GPC5: variants seen among roughly 807,000 people sequenced by gnomAD.
GPC5 encodes glypican-5.
GPC5 carries 47 observed loss-of-function variants against 53.9 expected under a neutral mutation model. The ratio of observed to expected loss-of-function variants is 0.87; its 90% CI spans 0.69 to 1.11. The LOEUF (loss-of-function observed/expected upper bound fraction) is 1.11, where lower values mean the gene tolerates loss of function less well. GPC5 is among the 50% of genes most tolerant of loss of function. The pLI, the probability that GPC5 is intolerant of heterozygous loss-of-function variation, is 0.00. For missense variants in GPC5, 748 were observed against 713.1 expected (o/e 1.05, Z -0.56); for synonymous variants, 286 against 263.3 (o/e 1.09, Z -0.84).
At chr13:92,467,388 T>C (rs1307281402) in intron 7 of GPC5, among the ~76,000 whole-genome samples, 1 of 152,134 alleles carries the variant, frequency 6.6e-6, no homozygotes, top group East Asian at 1.9e-4. Flanking sequence ...TATAAGTTTA[T>C]GCTTATAGAT....
intron 7 of GPC5, among the ~76,000 whole-genome samples, chr13:92,617,515 G>A (rs1884732885): frequency 6.6e-6 from 1 of 151,968 alleles, no homozygotes; most frequent in Admixed American, 6.6e-5. Flanking sequence ...GAAGCTCCTA[G>A]TTCCATCTGT....
intron 7 of GPC5, among the ~76,000 whole-genome samples, chr13:92,414,949 G>A (rs74628045): frequency 0.014 from 2,142 of 152,190 alleles, 55 homozygotes; most frequent in African/African-American, 0.049. Context: ...ACGCATTTTC[G>A]GGGATATAGA....
rs941544534 is a variant in GPC5, at chr13:92,144,009, GA to G, written c.1402-820del. 3.3e-5 allele frequency among the ~76,000 whole-genome samples: 5 copies of G among 152,228 alleles called. No homozygotes were observed. In the East Asian group the frequency reaches 7.7e-4, roughly 24 times the overall value. Reference sequence around the variant, plus strand: ...CCATGTGCTCTCCAAAACCACCTTAGAGGGGTAAATGTAACATACTGCATTG... The same window carrying G: ...CCATGTGCTCTCCAAAACCACCTTAGGGGGTAAATGTAACATACTGCATTG... On this transcript the variant is annotated intron_variant, in intron 6 of 7. Transcript: ENST00000377067.
At chr13:92,860,230 A>G (rs1374170892) in intron 7 of GPC5, among the ~76,000 whole-genome samples, 1 of 152,146 alleles carries the variant, frequency 6.6e-6, no homozygotes, top group Admixed American at 6.6e-5. Context: ...TTAAGATCAA[A>G]AAGAGAACTA....
chr13:92,674,311 T>C (rs146524535), intron 7 of GPC5, among the ~76,000 whole-genome samples: 2 of 152,288 alleles, frequency 1.3e-5, no homozygotes, highest in East Asian at 3.9e-4. Context: ...ACTTTGAATT[T>C]TTCCCTGGGG....
intron 7 of GPC5, among the ~76,000 whole-genome samples, chr13:92,767,325 A>G (rs1210986079): frequency 6.6e-6 from 1 of 152,040 alleles, no homozygotes; most frequent in Non-Finnish European, 1.5e-5. Context: ...ACAAAAATTA[A>G]TCATGCATGG....
chr13:92,052,125 T>C (rs1317755730), intron 6 of GPC5, among the ~76,000 whole-genome samples: 3 of 152,156 alleles, frequency 2.0e-5, no homozygotes, highest in African/African-American at 4.8e-5. Flanking sequence ...CCCATTAAAA[T>C]TGGCCTGCAC....
chr13:92,751,303 T>TAAAAAAAAAAAAAAAAA (rs71123435), intron 7 of GPC5, among the ~76,000 whole-genome samples: 4 of 38,776 alleles, frequency 1.0e-4, no homozygotes, highest in Non-Finnish European at 1.1e-4. Flanking sequence ...CAGAAACATT[T>TAAAAAAAAAAAAAAAAA]AAAAAAAAAA....
chr13:92,038,697 G>C (rs1279628906), intron 6 of GPC5, among the ~76,000 whole-genome samples: 2 of 151,670 alleles, frequency 1.3e-5, no homozygotes. Context: ...TAGATAGATA[G>C]ATAGATAGAT....
At chr13:92,395,708 G>A (rs1011866455) in intron 7 of GPC5, among the ~76,000 whole-genome samples, 1 of 151,910 alleles carries the variant, frequency 6.6e-6, no homozygotes, top group African/African-American at 2.4e-5. Context: ...TGGTTTGTGT[G>A]GGTTTTTGTT....
At chr13:92,173,979 C>A (rs1248112803) in intron 7 of GPC5, among the ~76,000 whole-genome samples, 1 of 151,848 alleles carries the variant, frequency 6.6e-6, no homozygotes, top group South Asian at 2.1e-4. Flanking sequence ...GTGGCACCCA[C>A]CTGTAGTCCC....
At chr13:92,707,120 T>C (rs550208595) in intron 7 of GPC5, among the ~76,000 whole-genome samples, 4 of 146,774 alleles carry the variant, frequency 2.7e-5, no homozygotes, top group African/African-American at 1.1e-4. Context: ...ACATGGCTGC[T>C]GTTCAAGCAG....
intron 2 of GPC5, among the ~76,000 whole-genome samples, chr13:91,449,922 C>A (rs1194612399): frequency 6.6e-6 from 1 of 152,022 alleles, no homozygotes; most frequent in African/African-American, 2.4e-5. Flanking sequence ...CAAATTATTA[C>A]CTTTGGTCAA....
At chr13:92,854,207 T>C (rs1160132721) in intron 7 of GPC5, among the ~76,000 whole-genome samples, 4 of 147,904 alleles carry the variant, frequency 2.7e-5, no homozygotes, top group Non-Finnish European at 3.0e-5. Context: ...TATAGAGATA[T>C]ATATATTATA....
At chr13:92,045,303 A>G (rs1187222181) in intron 6 of GPC5, among the ~76,000 whole-genome samples, 2 of 152,228 alleles carry the variant, frequency 1.3e-5, no homozygotes, top group Non-Finnish European at 2.9e-5. Flanking sequence ...AGAAGGAGAA[A>G]GAGAAGCAAT....
intron 6 of GPC5, among the ~76,000 whole-genome samples, chr13:91,999,225 G>A (rs928228083): frequency 4.6e-5 from 7 of 151,070 alleles, no homozygotes; most frequent in Non-Finnish European, 7.4e-5. Flanking sequence ...TTTCTGTAAT[G>A]CTATGAAACA....
At chr13:92,082,462 A>G (rs538762630) in intron 6 of GPC5, among the ~76,000 whole-genome samples, 1 of 152,282 alleles carries the variant, frequency 6.6e-6, no homozygotes, top group Non-Finnish European at 1.5e-5. Context: ...TTCTGTAAGT[A>G]TTAAAGTTGA....
chr13:92,865,042 C>T (rs1466608026), intron 7 of GPC5, among the ~76,000 whole-genome samples: 19 of 152,090 alleles, frequency 1.2e-4, no homozygotes, highest in Non-Finnish European at 2.6e-4. Context: ...AGTCTCAGAA[C>T]ACTGATGGCA....
intron 6 of GPC5, among the ~76,000 whole-genome samples, chr13:91,957,719 C>T (rs997780903): frequency 6.6e-6 from 1 of 151,904 alleles, no homozygotes; most frequent in Admixed American, 6.6e-5. Context: ...AAAGGAGAAA[C>T]AAAGTCTTCC....
Sources: gnomAD v4.1 joint callset for allele counts (sites outside exome capture counted in the v4.1 genomes callset) on GRCh38, gnomAD v4.1.1 for gene constraint, MANE v1.5 for transcripts, NCBI Gene and HGNC (gene_info 2026-07-23, HGNC 2026-07-21) for gene names.